NXPE2: variants seen among roughly 807,000 people sequenced by gnomAD.
The protein encoded by NXPE2 is neurexophilin and PC-esterase domain family member 2.
In NXPE2, 34 loss-of-function variants were observed where a neutral mutation model predicts 34.4. The ratio of observed to expected loss-of-function variants is 0.99; its 90% CI spans 0.75 to 1.31. The LOEUF (loss-of-function observed/expected upper bound fraction) is 1.31. NXPE2 is among the 40% of genes most tolerant of loss of function. The probability of loss-of-function intolerance (pLI) is 0.00; values close to 1 mark genes in which losing one functional copy is unlikely to be tolerated. For synonymous variants in NXPE2, 235 were observed against 231.3 expected (o/e 1.02, Z -0.15); for missense variants, 649 against 672.5 (o/e 0.97, Z 0.39).
chr11:114,735,100 ACT>A, the NXPE2 span, among the ~76,000 whole-genome samples: 2 of 151,940 alleles, frequency 1.3e-5, no homozygotes, highest in African/African-American at 4.8e-5. Context: ...ACAGAGCAAG[ACT>A]CTGTCTCAAA....
the NXPE2 span, among the ~76,000 whole-genome samples, chr11:114,721,349 G>A: frequency 2.0e-5 from 3 of 151,772 alleles, no homozygotes; most frequent in Non-Finnish European, 4.4e-5. Flanking sequence ...ATGACAAGGA[G>A]CATACTTTAG....
chr11:114,552,833 T>A, the NXPE2 span: 1 of 956,338 alleles, frequency 1.0e-6, no homozygotes, highest in Non-Finnish European at 1.2e-6. Flanking sequence ...ACTTATTCTG[T>A]AAAATACTGG....
the NXPE2 span, among the ~76,000 whole-genome samples, chr11:114,585,595 G>A: frequency 4.7e-5 from 7 of 149,170 alleles, no homozygotes; most frequent in Admixed American, 2.0e-4. Context: ...ATATATGTAC[G>A]TGTGTGTGTG....
the NXPE2 span, among the ~76,000 whole-genome samples, chr11:114,531,096 T>G: frequency 2.0e-5 from 3 of 151,812 alleles, no homozygotes; most frequent in Admixed American, 2.0e-4. Flanking sequence ...AATGAGATAT[T>G]ATGATGATGA....
chr11:114,482,065 C>T, the NXPE2 span, among the ~76,000 whole-genome samples: 4 of 152,132 alleles, frequency 2.6e-5, no homozygotes, highest in Admixed American at 2.6e-4. Context: ...ATTAAAGCCT[C>T]TCTCATTTTG....
At chr11:114,792,771 G>C in the NXPE2 span, among the ~76,000 whole-genome samples, 3 of 152,156 alleles carry the variant, frequency 2.0e-5, no homozygotes. Context: ...AAAATAACAA[G>C]AGCTGCCATT....
chr11:114,702,495 G>T (rs1328526244), intron 3 of NXPE2, among the ~76,000 whole-genome samples: 1 of 152,058 alleles, frequency 6.6e-6, no homozygotes, highest in African/African-American at 2.4e-5. Flanking sequence ...AGGTCTGATG[G>T]GATCCTCAGT....
chr11:114,554,653 T>C, the NXPE2 span, among the ~76,000 whole-genome samples: 1 of 152,190 alleles, frequency 6.6e-6, no homozygotes, highest in African/African-American at 2.4e-5. Context: ...GCAATAATAA[T>C]TATGAGTGAT....
the NXPE2 span, among the ~76,000 whole-genome samples, chr11:114,620,008 G>A: frequency 6.6e-6 from 1 of 152,006 alleles, no homozygotes; most frequent in Admixed American, 6.6e-5. Context: ...TGCCTCGTGG[G>A]TAACCATTGT....
At chr11:114,651,375 C>G in the NXPE2 span, among the ~76,000 whole-genome samples, 7 of 151,900 alleles carry the variant, frequency 4.6e-5, no homozygotes, top group African/African-American at 1.5e-4. Context: ...CTGGTGGGTT[C>G]GTGGTCTCGT....
chr11:114,653,650 C>T, the NXPE2 span, among the ~76,000 whole-genome samples: 3 of 151,846 alleles, frequency 2.0e-5, no homozygotes, highest in Non-Finnish European at 4.4e-5. Flanking sequence ...GCCTTAGCCT[C>T]CCGAGTAGCT....
the NXPE2 span, among the ~76,000 whole-genome samples, chr11:114,592,099 C>A: frequency 1.3e-5 from 2 of 152,164 alleles, no homozygotes; most frequent in African/African-American, 4.8e-5. Context: ...CAAAAGCCTT[C>A]TGAGATCTGG....
the NXPE2 span, chr11:114,581,872 A>G: frequency 6.7e-6 from 6 of 893,076 alleles, no homozygotes; most frequent in Non-Finnish European, 8.9e-6. Flanking sequence ...TGCCTCAGTT[A>G]TTTCTTAGAG....
At chr11:114,583,440 A>G in the NXPE2 span, 2 of 669,906 alleles carry the variant, frequency 3.0e-6, no homozygotes. Flanking sequence ...AATGCTGAGG[A>G]GATGACCAAG....
chr11:114,671,108 T>A, the NXPE2 span, among the ~76,000 whole-genome samples: 5 of 148,288 alleles, frequency 3.4e-5, no homozygotes, highest in African/African-American at 1.2e-4. Context: ...AACAAAAATA[T>A]CAAATTGAAA....
At chr11:114,521,179 A>C in the NXPE2 span, among the ~76,000 whole-genome samples, 2 of 152,212 alleles carry the variant, frequency 1.3e-5, no homozygotes, top group Non-Finnish European at 2.9e-5. Context: ...AGGAAAGAGG[A>C]TAAATGTTCA....
the NXPE2 span, chr11:114,522,306 T>C: frequency 1.2e-6 from 2 of 1,614,090 alleles, no homozygotes; most frequent in Non-Finnish European, 8.5e-7. Flanking sequence ...CCAAAGGTGA[T>C]GACGATGGCT....
chr11:114,775,017 C>T, the NXPE2 span, among the ~76,000 whole-genome samples: 1 of 152,166 alleles, frequency 6.6e-6, no homozygotes, highest in Non-Finnish European at 1.5e-5. Context: ...ATAGTAAGTC[C>T]TACAGCTGGG....
chr11:114,593,361 G>A, the NXPE2 span, among the ~76,000 whole-genome samples: 1 of 152,146 alleles, frequency 6.6e-6, no homozygotes, highest in Non-Finnish European at 1.5e-5. Flanking sequence ...TAAAAATTGG[G>A]CAAAAGATCT....
Sources: allele counts gnomAD v4.1 joint callset (sites outside exome capture counted in the v4.1 genomes callset), GRCh38; gene constraint gnomAD v4.1.1; transcripts MANE v1.5; gene names NCBI Gene and HGNC (gene_info 2026-07-23, HGNC 2026-07-21).